Variants in ZNF678 observed in about 807,000 individuals in gnomAD.
ZNF678 encodes the protein zinc finger protein 678, also known as hypothetical protein MGC42493.
A neutral mutation model predicts 3.0 loss-of-function variants in ZNF678; 5 were observed. The ratio of observed to expected loss-of-function variants is 1.69; its 90% CI spans 0.88 to 3.56. The LOEUF (loss-of-function observed/expected upper bound fraction) is 3.56, where lower values mean the gene tolerates loss of function less well. ZNF678 is among the 30% of genes most tolerant of loss of function. The probability of loss-of-function intolerance (pLI) is 0.00; values close to 1 mark genes in which losing one functional copy is unlikely to be tolerated. For synonymous variants in ZNF678, 218 were observed against 199.6 expected, an observed-to-expected ratio of 1.09 and a Z score of -0.78; for missense variants, 593 against 605.0, an observed-to-expected ratio of 0.98 and a Z score of 0.21.
At chr1:227,571,655 G>A (rs1874371) in intron 1 of ZNF678, among the ~76,000 whole-genome samples, 29,650 of 152,108 alleles carry the variant, frequency 0.19, 3,048 homozygotes, top group East Asian at 0.25. Context: ...CAAATACACC[G>A]AATAATAGTT....
intron 1 of ZNF678, among the ~76,000 whole-genome samples, chr1:227,581,514 AAC>A (rs1657128789): frequency 6.6e-6 from 1 of 152,230 alleles, no homozygotes; most frequent in Non-Finnish European, 1.5e-5. Context: ...TCTATTTATG[AAC>A]TTTATGGTCA....
At chr1:227,581,228 A>G (rs143048673) in intron 1 of ZNF678, among the ~76,000 whole-genome samples, 1 of 151,992 alleles carries the variant, frequency 6.6e-6, no homozygotes, top group East Asian at 1.9e-4. Flanking sequence ...GAAGTATATT[A>G]TACATATATA....
chr1:227,630,947 G>A (rs893465104), intron 1 of ZNF678, among the ~76,000 whole-genome samples: 5 of 152,146 alleles, frequency 3.3e-5, no homozygotes, highest in Admixed American at 2.6e-4. Flanking sequence ...CTACAAAAGA[G>A]GTCTAGCTGT....
intron 2 of ZNF678, among the ~76,000 whole-genome samples, chr1:227,647,050 C>T (rs976204496): frequency 3.9e-5 from 6 of 151,916 alleles, no homozygotes; most frequent in African/African-American, 7.3e-5. Flanking sequence ...GTCAGGAGTT[C>T]GAGACCAGCC....
At chr1:227,616,457 C>G (rs1049551357) in intron 1 of ZNF678, among the ~76,000 whole-genome samples, 10 of 152,170 alleles carry the variant, frequency 6.6e-5, no homozygotes, top group African/African-American at 2.4e-4. Flanking sequence ...TCCCCAGAAA[C>G]AAATCTGACA....
At chr1:227,645,572 A>G (rs139444882) in intron 1 of ZNF678, among the ~76,000 whole-genome samples, 1 of 152,356 alleles carries the variant, frequency 6.6e-6, no homozygotes, top group East Asian at 1.9e-4. Context: ...TTGACCTGCA[A>G]AATGAATGTT....
At chr1:227,624,958 A>T (rs1307518797) in intron 1 of ZNF678, among the ~76,000 whole-genome samples, 2 of 152,128 alleles carry the variant, frequency 1.3e-5, no homozygotes, top group East Asian at 3.9e-4. Context: ...TGCAGTTGCA[A>T]AATTTAATAG....
At chr1:227,673,408 T>G (rs1659632930) in intron 5 of ZNF678, among the ~76,000 whole-genome samples, 1 of 152,182 alleles carries the variant, frequency 6.6e-6, no homozygotes, top group African/African-American at 2.4e-5. Context: ...TTCCTTTGCA[T>G]TTATGGTTTG....
At chr1:227,586,199 A>C (rs1657258621) in intron 1 of ZNF678, among the ~76,000 whole-genome samples, 1 of 147,620 alleles carries the variant, frequency 6.8e-6, no homozygotes, top group Non-Finnish European at 1.5e-5. Flanking sequence ...TCTCCAAAAA[A>C]TAAAATAAAT....
chr1:227,573,053 G>A (rs1320345666), intron 1 of ZNF678, among the ~76,000 whole-genome samples: 1 of 152,232 alleles, frequency 6.6e-6, no homozygotes, highest in Non-Finnish European at 1.5e-5. Context: ...GGAACAGTGT[G>A]CATTCTGCCA....
intron 1 of ZNF678, among the ~76,000 whole-genome samples, chr1:227,581,805 G>C (rs529240442): frequency 1.3e-5 from 2 of 152,276 alleles, no homozygotes; most frequent in African/African-American, 2.4e-5. Flanking sequence ...TAGGTTATGC[G>C]TATGTTCAGC....
intron 5 of ZNF678, among the ~76,000 whole-genome samples, chr1:227,668,298 G>T (rs1247262454): frequency 6.6e-6 from 1 of 152,176 alleles, no homozygotes; most frequent in Non-Finnish European, 1.5e-5. Flanking sequence ...ACATAATTCA[G>T]CCAAGTTGAA....
At chr1:227,583,397 G>C (rs1162592106) in intron 1 of ZNF678, among the ~76,000 whole-genome samples, 1 of 143,702 alleles carries the variant, frequency 7.0e-6, no homozygotes, top group Non-Finnish European at 1.5e-5. Flanking sequence ...TGTCGCCCAG[G>C]CTGGAGTGCA....
At chr1:227,611,602 A>G (rs906497328) in intron 1 of ZNF678, among the ~76,000 whole-genome samples, 3 of 152,188 alleles carry the variant, frequency 2.0e-5, no homozygotes, top group African/African-American at 7.2e-5. Context: ...TGGTTAGTCC[A>G]GGAGGCTCTT....
chr1:227,630,497 C>A (rs941409370), intron 1 of ZNF678, among the ~76,000 whole-genome samples: 1 of 152,234 alleles, frequency 6.6e-6, no homozygotes, highest in East Asian at 1.9e-4. Flanking sequence ...GGGTTAGCAT[C>A]TGATCTAGCA....
At chr1:227,648,658 A>G (rs1659017294) in intron 2 of ZNF678, among the ~76,000 whole-genome samples, 1 of 152,138 alleles carries the variant, frequency 6.6e-6, no homozygotes, top group African/African-American at 2.4e-5. Flanking sequence ...TCTGTACTAA[A>G]AAAAACAAAA....
chr1:227,631,134 C>T (rs184157304), intron 1 of ZNF678, among the ~76,000 whole-genome samples: 13 of 152,214 alleles, frequency 8.5e-5, no homozygotes, highest in African/African-American at 2.6e-4. Context: ...TTGGAGGGAA[C>T]GTTTCCCATC....
chr1:227,634,037 G>A (rs1443692438), intron 1 of ZNF678, among the ~76,000 whole-genome samples: 2 of 152,168 alleles, frequency 1.3e-5, no homozygotes, highest in African/African-American at 4.8e-5. Flanking sequence ...TACCAGCTCA[G>A]CCACAGCAGA....
intron 1 of ZNF678, among the ~76,000 whole-genome samples, chr1:227,566,750 A>G (rs952696189): frequency 2.0e-5 from 3 of 152,208 alleles, no homozygotes. Flanking sequence ...AAGGGTATGA[A>G]CGTGGTGAAT....
Sources: allele counts gnomAD v4.1 joint callset (sites outside exome capture counted in the v4.1 genomes callset), GRCh38; gene constraint gnomAD v4.1.1; transcripts MANE v1.5; gene names NCBI Gene and HGNC (gene_info 2026-07-23, HGNC 2026-07-21).